ZNF644: variants seen among roughly 807,000 people sequenced by gnomAD.
ZNF644 encodes zinc finger protein 644.
ZNF644 carries 20 observed loss-of-function variants against 108.0 expected under a neutral mutation model. That is an observed-to-expected ratio of 0.19 (90% CI 0.13 to 0.27). The LOEUF (loss-of-function observed/expected upper bound fraction) is 0.27, where lower values mean the gene tolerates loss of function less well. ZNF644 is among the 10% of genes least tolerant of loss of function. The pLI, the probability that ZNF644 is intolerant of heterozygous loss-of-function variation, is 1.00. For synonymous variants in ZNF644, 542 were observed against 539.1 expected, an observed-to-expected ratio of 1.01 and a Z score of -0.08; for missense variants, 1,338 against 1,548.9, an observed-to-expected ratio of 0.86 and a Z score of 2.29.
intron 2 of ZNF644, among the ~76,000 whole-genome samples, chr1:90,979,460 C>T (rs114656720): frequency 0.12 from 18,000 of 151,954 alleles, 1,115 homozygotes; most frequent in South Asian, 0.16. Flanking sequence ...GCAACAAGAG[C>T]GAAACTCCAT....
chr1:90,957,664 C>G (rs1263511320), intron 2 of ZNF644, among the ~76,000 whole-genome samples: 5 of 152,100 alleles, frequency 3.3e-5, no homozygotes, highest in Admixed American at 2.6e-4. Flanking sequence ...AAACCCATAA[C>G]AAACATCATA....
intron 2 of ZNF644, among the ~76,000 whole-genome samples, chr1:90,977,139 G>C (rs1225503223): frequency 6.6e-6 from 1 of 151,732 alleles, no homozygotes; most frequent in Non-Finnish European, 1.5e-5. Context: ...TAACCACAAA[G>C]AAGCAAAGTA....
At chr1:90,947,225 G>C (rs1436511607) in intron 2 of ZNF644, among the ~76,000 whole-genome samples, 2 of 152,194 alleles carry the variant, frequency 1.3e-5, no homozygotes, top group African/African-American at 4.8e-5. Context: ...GTCATAGTTA[G>C]CACAGAATGA....
chr1:91,001,524 T>C (rs1418828964), intron 1 of ZNF644, among the ~76,000 whole-genome samples: 1 of 152,186 alleles, frequency 6.6e-6, no homozygotes, highest in Non-Finnish European at 1.5e-5. Context: ...TAGGTATTGA[T>C]GGGACGTATC....
chr1:90,930,710 G>A (rs1029436881), intron 4 of ZNF644, among the ~76,000 whole-genome samples: 3 of 152,212 alleles, frequency 2.0e-5, no homozygotes, highest in Non-Finnish European at 4.4e-5. Context: ...GGAATTGTGT[G>A]TTTGTATTAA....
At chr1:90,927,977 G>A (rs1164684380) in intron 4 of ZNF644, among the ~76,000 whole-genome samples, 2 of 140,930 alleles carry the variant, frequency 1.4e-5, no homozygotes, top group Non-Finnish European at 3.1e-5. Context: ...CTGAGTAGCT[G>A]GGATTACAGG....
At chr1:90,931,270 T>C (rs1027076216) in intron 4 of ZNF644, among the ~76,000 whole-genome samples, 4 of 151,542 alleles carry the variant, frequency 2.6e-5, no homozygotes, top group African/African-American at 7.3e-5. Context: ...AAAATTTCAA[T>C]ATTTAATGAA....
At chr1:91,001,710 A>G (rs1261968353) in intron 1 of ZNF644, among the ~76,000 whole-genome samples, 1 of 152,198 alleles carries the variant, frequency 6.6e-6, no homozygotes, top group Non-Finnish European at 1.5e-5. Flanking sequence ...AGAAAGAAAT[A>G]AGGGGTATTC....
At chr1:90,943,684 A>G (rs946386116) in intron 2 of ZNF644, among the ~76,000 whole-genome samples, 2 of 152,170 alleles carry the variant, frequency 1.3e-5, no homozygotes, top group Non-Finnish European at 2.9e-5. Context: ...TAGACTTCCA[A>G]TAAGATCACA....
intron 1 of ZNF644, among the ~76,000 whole-genome samples, chr1:90,986,450 T>G (rs1657105503): frequency 6.6e-6 from 1 of 152,024 alleles, no homozygotes; most frequent in Non-Finnish European, 1.5e-5. Context: ...TAAGAAAATC[T>G]GAATAAACTA....
chr1:90,992,317 G>A (rs539944642), intron 1 of ZNF644, among the ~76,000 whole-genome samples: 2 of 150,798 alleles, frequency 1.3e-5, no homozygotes, highest in Non-Finnish European at 3.0e-5. Context: ...AAAATTCACA[G>A]TATACAAAGA....
At chr1:90,954,594 A>T (rs1025533119) in intron 2 of ZNF644, among the ~76,000 whole-genome samples, 2 of 152,138 alleles carry the variant, frequency 1.3e-5, no homozygotes, top group African/African-American at 2.4e-5. Context: ...TTTAGTACAG[A>T]CAGGGTTTCA....
rs199656571 is a variant in ZNF644 at position 90,939,114 on chromosome 1, T to G, written c.2240A>C (p.Tyr747Ser). The G allele has an allele frequency of 1.2e-6, 2 of 1,613,896 alleles. No homozygotes were observed. The highest frequency in any genetic ancestry group is 1.7e-6 in the Non-Finnish European group (2 of 1,179,896). The change falls in exon 3 of 6, where the codon TAT (tyrosine) becomes TCT (serine). Residue 747 changes from tyrosine to serine, a missense_variant. By Grantham distance (144) the Tyr-to-Ser change is moderately radical (BLOSUM62 -2). This residue lies in a region of ZNF644 where 462 missense variants were observed against 472.6 expected (regional missense o/e 0.98). Transcript: ENST00000337393. The stretch of plus-strand genomic sequence containing the variant: ...TTCACCTGATTTTTTGATCATCCTA[T>G]AGTTTTCATATTTGTGTCTATACAA... ...HYLYRHKYEN[Y>S]RMIKKSGESY...
chr1:90,948,879 T>C (rs1652798809), intron 2 of ZNF644, among the ~76,000 whole-genome samples: 1 of 152,222 alleles, frequency 6.6e-6, no homozygotes, highest in South Asian at 2.1e-4. Context: ...AATTCAAAGG[T>C]TCACAGATTT....
intron 1 of ZNF644, among the ~76,000 whole-genome samples, chr1:90,994,448 C>T (rs1657933560): frequency 6.6e-6 from 1 of 152,120 alleles, no homozygotes; most frequent in South Asian, 2.1e-4. Flanking sequence ...ATGGGAAAAA[C>T]ATGGCAGTCA....
intron 2 of ZNF644, among the ~76,000 whole-genome samples, chr1:90,959,406 C>T (rs1260549839): frequency 6.6e-6 from 1 of 152,098 alleles, no homozygotes; most frequent in East Asian, 1.9e-4. Flanking sequence ...GATATACATC[C>T]AGGAGAAATG....
At chr1:90,999,071 T>C (rs959545248) in intron 1 of ZNF644, among the ~76,000 whole-genome samples, 6 of 152,188 alleles carry the variant, frequency 3.9e-5, no homozygotes, top group Non-Finnish European at 8.8e-5. Flanking sequence ...GCCTGATTGG[T>C]GTACCTTAAA....
At chr1:91,016,322 C>A (rs1461153762) in intron 1 of ZNF644, among the ~76,000 whole-genome samples, 1 of 152,330 alleles carries the variant, frequency 6.6e-6, no homozygotes, top group Non-Finnish European at 1.5e-5. Context: ...GAGATGCATT[C>A]TTAGGCAATT....
intron 1 of ZNF644, among the ~76,000 whole-genome samples, chr1:90,991,651 G>A (rs993624035): frequency 6.6e-6 from 1 of 152,160 alleles, no homozygotes; most frequent in African/African-American, 2.4e-5. Flanking sequence ...TCTTACCATG[G>A]TGGAGCAGGA....
Sources: gnomAD v4.1 joint callset for allele counts (sites outside exome capture counted in the v4.1 genomes callset) on GRCh38, gnomAD v4.1.1 for gene constraint, gnomAD v4.1.1 regional missense constraint, MANE v1.5 for transcripts, NCBI Gene and HGNC (gene_info 2026-07-23, HGNC 2026-07-21) for gene names.